SGCZ: variants seen among roughly 807,000 people sequenced by gnomAD.
The protein encoded by SGCZ is zeta-sarcoglycan.
Under a neutral mutation model 41.3 loss-of-function variants are expected in SGCZ, and 40 were observed. The ratio of observed to expected loss-of-function variants is 0.97; its 90% CI spans 0.75 to 1.26. SGCZ has a LOEUF of 1.26. SGCZ is among the 50% of genes most tolerant of loss of function. The pLI, the probability that SGCZ is intolerant of heterozygous loss-of-function variation, is 0.00. For synonymous variants in SGCZ, 206 were observed against 137.5 expected, an observed-to-expected ratio of 1.50 and a Z score of -3.49; for missense variants, 552 against 369.8, an observed-to-expected ratio of 1.49 and a Z score of -4.04.
chr8:14,633,750 A>G (rs1806735642), intron 1 of SGCZ, among the ~76,000 whole-genome samples: 2 of 151,896 alleles, frequency 1.3e-5, no homozygotes, highest in Admixed American at 1.3e-4. Flanking sequence ...GGTAGAGCTT[A>G]CAGAAATACA....
At chr8:14,990,752 A>G (rs757028693) in intron 1 of SGCZ, among the ~76,000 whole-genome samples, 1 of 152,078 alleles carries the variant, frequency 6.6e-6, no homozygotes, top group Non-Finnish European at 1.5e-5. Context: ...TCCCAAAACC[A>G]TCCCAGTGCT....
At chr8:14,950,097 C>A (rs1201305284) in intron 1 of SGCZ, among the ~76,000 whole-genome samples, 1 of 151,992 alleles carries the variant, frequency 6.6e-6, no homozygotes, top group Admixed American at 6.6e-5. Flanking sequence ...TAAAACAATC[C>A]TGAAATACTA....
intron 1 of SGCZ, among the ~76,000 whole-genome samples, chr8:15,159,757 C>T (rs1252429108): frequency 1.5e-5 from 1 of 68,566 alleles, no homozygotes; most frequent in African/African-American, 4.3e-5. Context: ...CCCCCACCCC[C>T]GCCACACACA....
chr8:14,370,373 A>G (rs1207386257), intron 2 of SGCZ, among the ~76,000 whole-genome samples: 1 of 151,920 alleles, frequency 6.6e-6, no homozygotes, highest in African/African-American at 2.4e-5. Flanking sequence ...TAATATTTTC[A>G]TAAATATAAC....
At chr8:15,006,905 G>A (rs1802624753) in intron 1 of SGCZ, among the ~76,000 whole-genome samples, 1 of 152,144 alleles carries the variant, frequency 6.6e-6, no homozygotes, top group South Asian at 2.1e-4. Flanking sequence ...CAAAAATGTT[G>A]ACTTTTGTAT....
chr8:15,156,585 C>T (rs1266117262), intron 1 of SGCZ, among the ~76,000 whole-genome samples: 1 of 152,168 alleles, frequency 6.6e-6, no homozygotes, highest in East Asian at 1.9e-4. Flanking sequence ...CTGAAAACGT[C>T]CATTATCTCG....
At chr8:14,817,604 C>A (rs919774101) in intron 1 of SGCZ, among the ~76,000 whole-genome samples, 2 of 152,188 alleles carry the variant, frequency 1.3e-5, no homozygotes, top group Non-Finnish European at 2.9e-5. Flanking sequence ...GTGCCTACAG[C>A]ACTACAACTC....
chr8:15,003,993 G>C (rs561800367), intron 1 of SGCZ, among the ~76,000 whole-genome samples: 2 of 152,130 alleles, frequency 1.3e-5, no homozygotes, highest in African/African-American at 4.8e-5. Context: ...ATGAGCAGGA[G>C]GGGGGAAGCC....
intron 1 of SGCZ, among the ~76,000 whole-genome samples, chr8:14,820,064 T>C (rs1022341402): frequency 1.3e-5 from 2 of 151,886 alleles, no homozygotes; most frequent in Non-Finnish European, 2.9e-5. Context: ...AATTAAAACA[T>C]AAGGTATAGA....
intron 1 of SGCZ, among the ~76,000 whole-genome samples, chr8:14,565,802 G>A (rs1049203030): frequency 9.2e-5 from 14 of 152,038 alleles, no homozygotes; most frequent in African/African-American, 3.4e-4. Flanking sequence ...AGATAATAGA[G>A]GATGGCTTCC....
At chr8:15,219,865 C>T (rs961072508) in intron 1 of SGCZ, among the ~76,000 whole-genome samples, 2 of 152,062 alleles carry the variant, frequency 1.3e-5, no homozygotes, top group African/African-American at 2.4e-5. Flanking sequence ...CCTGAAGTGC[C>T]TATAGTGTGT....
intron 2 of SGCZ, among the ~76,000 whole-genome samples, chr8:14,444,182 G>A (rs961270065): frequency 1.3e-5 from 2 of 152,070 alleles, no homozygotes; most frequent in African/African-American, 4.8e-5. Flanking sequence ...GAGAGGTTGT[G>A]GAGAAATAGG....
At chr8:14,291,122 A>C (rs568769248) in intron 3 of SGCZ, among the ~76,000 whole-genome samples, 61 of 152,200 alleles carry the variant, frequency 4.0e-4, no homozygotes, top group African/African-American at 1.4e-3. Context: ...AAAAGTTTTT[A>C]TCACAAAAGT....
chr8:15,139,256 C>T lies in SGCZ; in HGVS notation c.39+98329G>A, dbSNP rs576253609. ...CTCAGTGCTTCCAAAATTCTCTATT[C>T]TTTAGAGCTTCCTTTCTTAGAGCTT... On this transcript the variant is annotated intron_variant, in intron 1 of 7. Coordinates refer to ENST00000382080, the MANE Select transcript of SGCZ (RefSeq NM_139167.4). 3.0e-3 allele frequency among the ~76,000 whole-genome samples: 464 copies of T among 152,216 alleles called. 1 individual carries two copies. Among genetic ancestry groups the T allele is most frequent in the Middle Eastern group, 0.01 (3 of 294 alleles).
At chr8:14,921,708 G>C (rs1292409617) in intron 1 of SGCZ, among the ~76,000 whole-genome samples, 1 of 152,052 alleles carries the variant, frequency 6.6e-6, no homozygotes, top group Non-Finnish European at 1.5e-5. Flanking sequence ...GTTAGTAACA[G>C]TCAAAAAATT....
At chr8:14,452,818 G>T (rs10104220) in intron 2 of SGCZ, among the ~76,000 whole-genome samples, 2 of 151,882 alleles carry the variant, frequency 1.3e-5, no homozygotes, top group African/African-American at 2.4e-5. Context: ...AGAAGAGTAA[G>T]GGGCCGGGTG....
chr8:15,071,038 G>C (rs1024730815), intron 1 of SGCZ, among the ~76,000 whole-genome samples: 3 of 152,150 alleles, frequency 2.0e-5, no homozygotes, highest in African/African-American at 7.2e-5. Context: ...TACCTAAGAA[G>C]AAATCTGACT....
At chr8:14,314,066 G>C (rs1367138780) in intron 3 of SGCZ, among the ~76,000 whole-genome samples, 10 of 152,024 alleles carry the variant, frequency 6.6e-5, no homozygotes, top group Non-Finnish European at 7.4e-5. Context: ...GGCTTCAGTA[G>C]TGTCTGAGAG....
At chr8:14,384,794 G>T (rs776511567) in intron 2 of SGCZ, among the ~76,000 whole-genome samples, 21 of 152,222 alleles carry the variant, frequency 1.4e-4, no homozygotes, top group African/African-American at 4.1e-4. Context: ...CAAGTGATCC[G>T]CCCGCCTTGG....
Sources: allele counts gnomAD v4.1 joint callset (sites outside exome capture counted in the v4.1 genomes callset), GRCh38; gene constraint gnomAD v4.1.1; transcripts MANE v1.5; gene names NCBI Gene and HGNC (gene_info 2026-07-23, HGNC 2026-07-21).